TENM2: variants seen among roughly 807,000 people sequenced by gnomAD.
TENM2 encodes teneurin transmembrane protein 2.
In TENM2, 52 loss-of-function variants were observed where a neutral mutation model predicts 245.2. The ratio of observed to expected loss-of-function variants is 0.21; its 90% confidence interval spans 0.17 to 0.27. The LOEUF (loss-of-function observed/expected upper bound fraction) is 0.27. TENM2 is among the 10% of genes least tolerant of loss of function. The pLI is 1.00. For missense variants in TENM2, 3,046 were observed against 3,666.8 expected, an observed-to-expected ratio of 0.83 and a Z score of 4.37; for synonymous variants, 1,363 against 1,438.9, an observed-to-expected ratio of 0.95 and a Z score of 1.19.
intron 27 of TENM2, 73 bp from the exon 30 acceptor site, chr5:168,260,210 C>A (rs1768055863): frequency 1.9e-6 from 3 of 1,552,534 alleles, no homozygotes; most frequent in Non-Finnish European, 2.7e-6. Flanking sequence ...TTATTTTGTT[C>A]TCTCTTTAAG....
chr5:167,480,322 C>T (rs942250600), intron 2 of TENM2, among the ~76,000 whole-genome samples: 15 of 152,218 alleles, frequency 9.9e-5, no homozygotes, highest in African/African-American at 2.6e-4. Context: ...GGTTAATGCT[C>T]GTAATGTTTT....
At chr5:168,122,602 G>A (rs535352834) in intron 10 of TENM2, among the ~76,000 whole-genome samples, 2 of 152,154 alleles carry the variant, frequency 1.3e-5, no homozygotes, top group African/African-American at 2.4e-5. Context: ...TATACTCCCC[G>A]AGACAATGAA....
At chr5:168,003,811 A>G (rs1417079799) in intron 5 of TENM2, among the ~76,000 whole-genome samples, 2 of 152,236 alleles carry the variant, frequency 1.3e-5, no homozygotes, top group African/African-American at 4.8e-5. Flanking sequence ...GTTTATAGAC[A>G]CAGCGGACTC....
chr5:168,144,938 G>A lies in TENM2; in HGVS notation c.2423-17673G>A, dbSNP rs1398038847. Among the ~76,000 whole-genome samples, 59 of 151,152 alleles carry A rather than the reference G, an allele frequency of 3.9e-4. 1 individual carries two copies. The South Asian group carries it at 4.4e-3, about 11-fold the overall frequency. On this transcript the variant is annotated intron_variant, in intron 12 of 28. Transcript: ENST00000518659. Reference sequence around the variant, plus strand: ...CATTTCTCTGATGGCCAGTGATGACGAGCATTTTTTCATGTGTTTTTTGGC... The same window carrying A: ...CATTTCTCTGATGGCCAGTGATGACAAGCATTTTTTCATGTGTTTTTTGGC...
chr5:167,348,522 T>C lies in TENM2; in HGVS notation c.227-26676T>C, dbSNP rs1021397106. 2.0e-5 allele frequency among the ~76,000 whole-genome samples: 3 copies of C among 152,178 alleles called. No individual in the cohort carries two copies. The South Asian group carries it at 6.2e-4, about 32-fold the overall frequency. The stretch of plus-strand genomic sequence containing the variant: ...AGGACAGCACTGTGACTGACAGCTG[T>C]TTCTTCCTAGACTGAGATAGAATAC... On this transcript the variant is annotated intron_variant, in intron 1 of 28. Coordinates refer to ENST00000518659, the Ensembl canonical transcript of TENM2.
intron 3 of TENM2, among the ~76,000 whole-genome samples, chr5:167,886,270 T>C (rs1222868250): frequency 6.6e-6 from 1 of 152,206 alleles, no homozygotes; most frequent in Non-Finnish European, 1.5e-5. Flanking sequence ...CAGAGTGATA[T>C]ATAGAAATTT....
At chr5:167,381,194 T>C (rs1761079882) in intron 2 of TENM2, among the ~76,000 whole-genome samples, 1 of 152,124 alleles carries the variant, frequency 6.6e-6, no homozygotes, top group Non-Finnish European at 1.5e-5. Context: ...GATTTGTAAA[T>C]AGGATGGAAA....
chr5:168,175,461 C>T (rs939477051), intron 13 of TENM2, among the ~76,000 whole-genome samples: 3 of 152,174 alleles, frequency 2.0e-5, no homozygotes, highest in African/African-American at 7.2e-5. Context: ...GACCCCCAAG[C>T]TGGGTGGGTC....
At chr5:167,278,090 G>A in the TENM2 span, among the ~76,000 whole-genome samples, 3 of 151,894 alleles carry the variant, frequency 2.0e-5, no homozygotes, top group Non-Finnish European at 4.4e-5. Flanking sequence ...GATCTCTTGG[G>A]CCCAGGAGTT....
At chr5:167,532,562 A>G (rs1435218592) in intron 2 of TENM2, among the ~76,000 whole-genome samples, 1 of 151,932 alleles carries the variant, frequency 6.6e-6, no homozygotes, top group Non-Finnish European at 1.5e-5. Flanking sequence ...CTTATTCACT[A>G]TCACAAGAAC....
At chr5:167,261,030 G>A in the TENM2 span, among the ~76,000 whole-genome samples, 1 of 152,102 alleles carries the variant, frequency 6.6e-6, no homozygotes, top group Non-Finnish European at 1.5e-5. Context: ...ACTTAAATTA[G>A]GACAGTGGTT....
At chr5:167,906,049 C>T (rs11744503) in intron 3 of TENM2, among the ~76,000 whole-genome samples, 10,316 of 152,206 alleles carry the variant, frequency 0.068, 390 homozygotes, top group East Asian at 0.12. Flanking sequence ...TTAGCACAGA[C>T]TGTAATAAAT....
intron 2 of TENM2, among the ~76,000 whole-genome samples, chr5:167,463,788 G>A (rs368495320): frequency 3.9e-5 from 6 of 152,246 alleles, no homozygotes; most frequent in African/African-American, 7.2e-5. Flanking sequence ...GAGCCACTGC[G>A]CCCAGCCGAA....
intron 2 of TENM2, among the ~76,000 whole-genome samples, chr5:167,462,564 G>A (rs1766383438): frequency 6.6e-6 from 1 of 152,040 alleles, no homozygotes; most frequent in South Asian, 2.1e-4. Flanking sequence ...CGACTGGGAT[G>A]GATGGGGAGC....
chr5:167,580,975 C>A (rs976565322), intron 2 of TENM2, among the ~76,000 whole-genome samples: 2 of 152,086 alleles, frequency 1.3e-5, no homozygotes, highest in African/African-American at 4.8e-5. Context: ...GGAAACAGAG[C>A]GAAACCTTGT....
chr5:167,427,598 GGACGGGAGGGAAGGAAGGGAAGGAAGA>G (rs1763921811), intron 2 of TENM2, among the ~76,000 whole-genome samples: 1 of 116,798 alleles, frequency 8.6e-6, no homozygotes, highest in African/African-American at 4.7e-5. Context: ...GGGAAGGAAG[GGACGGGAGGGAAGGAAGGGAAGGAAGA>G]AAGGACGGAA....
chr5:167,058,155 G>A, the TENM2 span, among the ~76,000 whole-genome samples: 2 of 152,092 alleles, frequency 1.3e-5, no homozygotes, highest in Non-Finnish European at 2.9e-5. Context: ...TCAGGTTTCC[G>A]CTTGCTAAGA....
At chr5:167,272,945 C>T in the TENM2 span, among the ~76,000 whole-genome samples, 2 of 152,108 alleles carry the variant, frequency 1.3e-5, no homozygotes, top group African/African-American at 4.8e-5. Flanking sequence ...ATCCTTATTG[C>T]ATCCATTTAC....
At chr5:167,840,404 A>G (rs1477948320) in intron 2 of TENM2, among the ~76,000 whole-genome samples, 1 of 152,198 alleles carries the variant, frequency 6.6e-6, no homozygotes, top group Admixed American at 6.5e-5. Context: ...TTCAAGGAAC[A>G]CATGTATTTC....
Sources: allele counts gnomAD v4.1 joint callset (sites outside exome capture counted in the v4.1 genomes callset), GRCh38; gene constraint gnomAD v4.1.1; transcripts MANE v1.5; gene names NCBI Gene and HGNC (gene_info 2026-07-23, HGNC 2026-07-21).